The following DIAPH3 variants were observed in gnomAD, a reference collection of about 807,000 sequenced individuals.
DIAPH3 encodes protein diaphanous homolog 3.
A neutral mutation model predicts 144.3 loss-of-function variants in DIAPH3; 117 were observed. The observed-to-expected ratio is 0.81, with a 90% CI of 0.70 to 0.95. The LOEUF is 0.95. Among genes scored for constraint, DIAPH3 ranks in the 40% least tolerant of loss-of-function variants. The probability of loss-of-function intolerance (pLI) is 0.00; values close to 1 mark genes in which losing one functional copy is unlikely to be tolerated. For missense variants in DIAPH3, 1,421 were observed against 1,412.7 expected (o/e 1.01, Z -0.09); for synonymous variants, 519 against 488.9 (o/e 1.06, Z -0.81).
intron 22 of DIAPH3, among the ~76,000 whole-genome samples, chr13:59,857,065 G>A (rs1732342961): frequency 6.6e-6 from 1 of 152,026 alleles, no homozygotes; most frequent in Non-Finnish European, 1.5e-5. Flanking sequence ...TCTGCTGCAG[G>A]GGATATAAAA....
chr13:60,136,807 G>T (rs2059291056), intron 1 of DIAPH3, among the ~76,000 whole-genome samples: 2 of 152,090 alleles, frequency 1.3e-5, no homozygotes, highest in Admixed American at 6.6e-5. Flanking sequence ...GGGCGTGGTG[G>T]CGGGTGCCTG....
chr13:59,755,655 C>T (rs2037218483), intron 27 of DIAPH3, among the ~76,000 whole-genome samples: 2 of 152,090 alleles, frequency 1.3e-5, no homozygotes, highest in Admixed American at 6.6e-5. Context: ...CTATCAGTGG[C>T]TTACAATTTT....
At chr13:60,148,014 G>C (rs1951614229) in intron 1 of DIAPH3, among the ~76,000 whole-genome samples, 1 of 152,114 alleles carries the variant, frequency 6.6e-6, no homozygotes, top group Non-Finnish European at 1.5e-5. Context: ...GACAGTAGGA[G>C]AAGAGAAGAG....
chr13:59,990,040 T>C (rs537395660), intron 12 of DIAPH3, among the ~76,000 whole-genome samples: 127 of 152,062 alleles, frequency 8.4e-4, no homozygotes, highest in Middle Eastern at 3.4e-3. Context: ...GTACAAATGA[T>C]ATTTTAAAAA....
At chr13:59,932,157 C>T (rs1260210103) in intron 17 of DIAPH3, among the ~76,000 whole-genome samples, 1 of 152,074 alleles carries the variant, frequency 6.6e-6, no homozygotes, top group East Asian at 1.9e-4. Context: ...ATTTTCTTGT[C>T]TTTATTCTTA....
intron 1 of DIAPH3, among the ~76,000 whole-genome samples, chr13:60,160,347 G>C (rs56067469): frequency 0.037 from 5,676 of 152,304 alleles, 170 homozygotes; most frequent in East Asian, 0.1. Context: ...ACTGAAGTCT[G>C]TGAGAACTTT....
At chr13:60,088,227 T>TA (rs11439867) in intron 4 of DIAPH3, among the ~76,000 whole-genome samples, 85,523 of 151,778 alleles carry the variant, frequency 0.56, 24,699 homozygotes, top group African/African-American at 0.62. Flanking sequence ...TGTTCATCTC[T>TA]ACTAAGTATT....
chr13:59,780,454 G>A (rs2038674701), intron 25 of DIAPH3, among the ~76,000 whole-genome samples: 1 of 152,144 alleles, frequency 6.6e-6, no homozygotes, highest in Non-Finnish European at 1.5e-5. Context: ...GTTTTTCTTA[G>A]AGTAGAATTC....
intron 27 of DIAPH3, among the ~76,000 whole-genome samples, chr13:59,767,186 A>G (rs1422035676): frequency 1.3e-5 from 2 of 152,330 alleles, no homozygotes; most frequent in East Asian, 1.9e-4. Context: ...GAACCTCCAC[A>G]GTAGCACCAC....
At position 60,093,698 on chromosome 13, in the gene DIAPH3, G is replaced by C. The variant is rs2058023672; in HGVS notation, c.425C>G (p.Pro142Arg). The change falls in exon 4 of 28, where the codon CCA (proline) becomes CGA (arginine). Residue 142 changes from proline (P) to arginine (R), a missense_variant. Coordinates refer to ENST00000400324, the MANE Select transcript of DIAPH3 (RefSeq NM_001042517.2). Reference sequence around the variant, plus strand: ...GATACTGAAGTCCTTTTCCCGCAATGGTGCCTTTTTATCTTCATTTAAATT... The same window carrying C: ...GATACTGAAGTCCTTTTCCCGCAATCGTGCCTTTTTATCTTCATTTAAATT... ...DMNLNEDKKAPLREKDFSIKK... is the reference protein window; with the variant it reads ...DMNLNEDKKARLREKDFSIKK... 2 of 1,612,572 alleles carry C rather than the reference G, an allele frequency of 1.2e-6. No homozygotes were observed. Among genetic ancestry groups the C allele is most frequent in the African/African-American group, 1.3e-5 (1 of 74,954 alleles).
intron 21 of DIAPH3, among the ~76,000 whole-genome samples, chr13:59,863,854 G>A (rs1306244956): frequency 6.6e-6 from 1 of 152,100 alleles, no homozygotes; most frequent in Non-Finnish European, 1.5e-5. Flanking sequence ...ACTAACATAC[G>A]TGGATGATTT....
chr13:60,021,738 A>T (rs1388342083), intron 5 of DIAPH3, among the ~76,000 whole-genome samples: 1 of 152,108 alleles, frequency 6.6e-6, no homozygotes, highest in African/African-American at 2.4e-5. Context: ...GAAGGAGGCC[A>T]AAGAAGAGCC....
At chr13:59,668,092 T>C (rs2032127690) in intron 27 of DIAPH3, among the ~76,000 whole-genome samples, 1 of 152,222 alleles carries the variant, frequency 6.6e-6, no homozygotes, top group Non-Finnish European at 1.5e-5. Flanking sequence ...GTCTTTCACC[T>C]TCTATATCAG....
intron 24 of DIAPH3, among the ~76,000 whole-genome samples, chr13:59,829,461 G>A (rs2041657456): frequency 6.6e-6 from 1 of 151,792 alleles, no homozygotes; most frequent in Non-Finnish European, 1.5e-5. Context: ...TGTAATGATA[G>A]GCAAGTCAGG....
At chr13:59,887,894 T>A (rs2045553242) in intron 20 of DIAPH3, among the ~76,000 whole-genome samples, 1 of 152,140 alleles carries the variant, frequency 6.6e-6, no homozygotes, top group Admixed American at 6.6e-5. Context: ...TTTTTAGGCA[T>A]ACATATTTAA....
At chr13:59,882,986 A>G (rs2045183274) in intron 20 of DIAPH3, among the ~76,000 whole-genome samples, 2 of 152,208 alleles carry the variant, frequency 1.3e-5, no homozygotes. Flanking sequence ...AAAATCAAGA[A>G]GCAATATCCA....
intron 27 of DIAPH3, among the ~76,000 whole-genome samples, chr13:59,734,408 A>G (rs1270523213): frequency 6.6e-6 from 1 of 152,168 alleles, no homozygotes; most frequent in Non-Finnish European, 1.5e-5. Flanking sequence ...TTTTCTCATC[A>G]ATATCATCTC....
At chr13:59,906,044 A>T (rs2046717840) in intron 20 of DIAPH3, among the ~76,000 whole-genome samples, 1 of 152,204 alleles carries the variant, frequency 6.6e-6, no homozygotes, top group Non-Finnish European at 1.5e-5. Context: ...AGTAACTTCC[A>T]AAGATCATAT....
chr13:59,781,843 T>A (rs538366900), intron 25 of DIAPH3, among the ~76,000 whole-genome samples: 1 of 152,230 alleles, frequency 6.6e-6, no homozygotes, highest in East Asian at 1.9e-4. Flanking sequence ...GGTGATTAGG[T>A]CAGGAGGGCA....
Sources: allele counts gnomAD v4.1 joint callset (sites outside exome capture counted in the v4.1 genomes callset), GRCh38; gene constraint gnomAD v4.1.1; transcripts MANE v1.5; gene names NCBI Gene and HGNC (gene_info 2026-07-23, HGNC 2026-07-21).